The following PUS10 variants were observed in gnomAD, a reference collection of about 807,000 sequenced individuals.
PUS10 encodes tRNA pseudouridine synthase Pus10.
PUS10 carries 59 observed loss-of-function variants against 75.0 expected under a neutral mutation model. The observed-to-expected ratio is 0.79, with a 90% CI of 0.64 to 0.98. PUS10 has a LOEUF of 0.98. PUS10 is among the 50% of genes least tolerant of loss of function. The pLI, the probability that PUS10 is intolerant of heterozygous loss-of-function variation, is 0.00. For synonymous variants in PUS10, 219 were observed against 211.6 expected (o/e 1.03, Z -0.30); for missense variants, 650 against 614.4 (o/e 1.06, Z -0.61).
At chr2:60,958,131 G>A (rs1039223725) in intron 11 of PUS10, among the ~76,000 whole-genome samples, 6 of 152,114 alleles carry the variant, frequency 3.9e-5, no homozygotes, top group Non-Finnish European at 8.8e-5. Flanking sequence ...CACTCCTCTC[G>A]GTCTTCAGCT....
chr2:60,962,199 C>T lies in PUS10; in HGVS notation c.788+627G>A, dbSNP rs145009616. On this transcript the variant is annotated intron_variant, in intron 9 of 17. Coordinates refer to ENST00000316752, the MANE Select transcript of PUS10 (RefSeq NM_144709.4). Reference sequence around the variant, plus strand: ...GGCTAGAATTTCAGGACATCTGGCTCCAGGTCTACTCTATTACTAGCTTAG... The same window carrying T: ...GGCTAGAATTTCAGGACATCTGGCTTCAGGTCTACTCTATTACTAGCTTAG... Among the ~76,000 whole-genome samples, 662 of 152,316 alleles carry T rather than the reference C, an allele frequency of 4.3e-3. 11 individuals are homozygous for T. The highest frequency in any genetic ancestry group is 5.3e-3 in the Non-Finnish European group (359 of 68,028).
At chr2:60,973,648 C>T (rs1342376811) in intron 4 of PUS10, among the ~76,000 whole-genome samples, 1 of 152,240 alleles carries the variant, frequency 6.6e-6, no homozygotes, top group Non-Finnish European at 1.5e-5. Flanking sequence ...AGCCAGGGCG[C>T]CATGAACAGC....
intron 1 of PUS10, chr2:61,017,746 A>G (rs1030172005): frequency 9.7e-6 from 15 of 1,547,642 alleles, no homozygotes; most frequent in East Asian, 2.4e-5. Flanking sequence ...GGGAGCCGAG[A>G]GGAGGCGGAG....
At chr2:60,946,843 A>AATAT (rs150565802) in intron 16 of PUS10, among the ~76,000 whole-genome samples, 73 of 150,028 alleles carry the variant, frequency 4.9e-4, no homozygotes, top group African/African-American at 1.3e-3. Flanking sequence ...GTGTGTGTGT[A>AATAT]ATATATATAT....
chr2:60,972,301 A>G (rs1277287237), intron 4 of PUS10, among the ~76,000 whole-genome samples: 1 of 148,928 alleles, frequency 6.7e-6, no homozygotes, highest in African/African-American at 2.5e-5. Context: ...GTCTCTACTG[A>G]AAAAAAAAGT....
At chr2:60,964,071 T>A (rs907416189) in intron 8 of PUS10, among the ~76,000 whole-genome samples, 2 of 152,172 alleles carry the variant, frequency 1.3e-5, no homozygotes, top group African/African-American at 4.8e-5. Context: ...CCTCAGACAG[T>A]GGAAACCCCA....
chr2:60,965,613 A>G (rs1342492603), intron 6 of PUS10, 129 bp from the exon 7 acceptor site: 1 of 644,872 alleles, frequency 1.6e-6, no homozygotes, highest in African/African-American at 1.9e-5. Flanking sequence ...TGGAAATACT[A>G]CTGCTCTCAA....
chr2:60,989,939 T>C (rs965544057), intron 4 of PUS10, among the ~76,000 whole-genome samples: 15 of 152,122 alleles, frequency 9.9e-5, no homozygotes, highest in Non-Finnish European at 1.5e-4. Context: ...CTGCTTCTTA[T>C]TCTGTACTCT....
In PUS10 at chr2:60,978,421, TAAAAAA is replaced by T. The variant is rs71398605; in HGVS notation, c.469-6870_469-6865del. Among the ~76,000 whole-genome samples the T allele has an allele frequency of 3.5e-3, 345 of 99,404 alleles. 1 individual carries two copies. Among genetic ancestry groups the T allele is most frequent in the Non-Finnish European group, 5.3e-3 (270 of 50,532 alleles). The allele number at this position is 99,404 out of a possible 152,430, so 65.2% of individuals were successfully genotyped here. A position where few individuals can be genotyped will look rare whatever the true frequency, so the allele number is the denominator to read the frequency against. ...TGGGCAACAGAGTGAGACTCCATCT[TAAAAAA>T]AAAAAAAAAAAAAAAAGAATTCACA... On this transcript the variant is annotated intron_variant, in intron 4 of 17. Coordinates refer to ENST00000316752, the MANE Select transcript of PUS10 (RefSeq NM_144709.4).
chr2:61,017,569 C>T (rs1680084546), intron 1 of PUS10: 1 of 556,844 alleles, frequency 1.8e-6, no homozygotes, highest in Admixed American at 3.2e-5. Flanking sequence ...CGTGTTTCTT[C>T]CTACAAATTA....
At chr2:60,989,287 C>A (rs1020902210) in intron 4 of PUS10, among the ~76,000 whole-genome samples, 5 of 152,156 alleles carry the variant, frequency 3.3e-5, no homozygotes, top group South Asian at 2.1e-4. Flanking sequence ...AGATCCCCTA[C>A]CCCACTCCAT....
intron 10 of PUS10, among the ~76,000 whole-genome samples, chr2:60,961,160 A>C (rs905200796): frequency 2.0e-5 from 3 of 152,146 alleles, no homozygotes; most frequent in African/African-American, 7.2e-5. Context: ...TTTTTCTCCA[A>C]ACCAGTTTTG....
intron 4 of PUS10, among the ~76,000 whole-genome samples, chr2:60,988,951 C>T (rs1677898124): frequency 6.6e-6 from 1 of 151,898 alleles, no homozygotes; most frequent in Non-Finnish European, 1.5e-5. Flanking sequence ...CAGGCATGCG[C>T]TTTTGTTAAG....
chr2:61,015,526 C>A (rs1679913420), intron 1 of PUS10, among the ~76,000 whole-genome samples: 1 of 151,962 alleles, frequency 6.6e-6, no homozygotes, highest in African/African-American at 2.4e-5. Context: ...GATGAAATCC[C>A]ATCTCTACTA....
At chr2:61,004,623 C>T (rs1314110091) in intron 4 of PUS10, among the ~76,000 whole-genome samples, 6 of 110,750 alleles carry the variant, frequency 5.4e-5, no homozygotes, top group Non-Finnish European at 8.9e-5. Context: ...AGACAGACTC[C>T]GTCTCAAAAA....
At chr2:60,955,752 C>T (rs886939195) in intron 11 of PUS10, among the ~76,000 whole-genome samples, 6 of 152,164 alleles carry the variant, frequency 3.9e-5, no homozygotes, top group Non-Finnish European at 5.9e-5. Context: ...CTAGGTGTTT[C>T]TGACGTTAAA....
At chr2:60,996,055 A>G (rs1357836115) in intron 4 of PUS10, among the ~76,000 whole-genome samples, 3 of 152,182 alleles carry the variant, frequency 2.0e-5, no homozygotes, top group Non-Finnish European at 4.4e-5. Context: ...TCCAATATAC[A>G]TTATAGTATT....
intron 9 of PUS10, among the ~76,000 whole-genome samples, chr2:60,962,477 G>A (rs937330346): frequency 2.0e-5 from 3 of 152,150 alleles, no homozygotes; most frequent in South Asian, 4.1e-4. Flanking sequence ...GGGAGGCTGA[G>A]GCAGGAGAAT....
chr2:60,987,368 T>C (rs1573469188), intron 4 of PUS10, among the ~76,000 whole-genome samples: 1 of 151,610 alleles, frequency 6.6e-6, no homozygotes, highest in South Asian at 2.1e-4. Context: ...GACACCTTGA[T>C]GTAATATTTG....
Sources: gnomAD v4.1 joint callset for allele counts (sites outside exome capture counted in the v4.1 genomes callset) on GRCh38, gnomAD v4.1.1 for gene constraint, MANE v1.5 for transcripts, NCBI Gene and HGNC (gene_info 2026-07-23, HGNC 2026-07-21) for gene names.